Variants in CCNY observed in about 807,000 individuals in gnomAD.
The protein encoded by CCNY is cyclin-Y.
A neutral mutation model predicts 42.8 loss-of-function variants in CCNY; 19 were observed. The ratio of observed to expected loss-of-function variants is 0.44; its 90% CI spans 0.31 to 0.65. CCNY has a LOEUF of 0.65. CCNY is among the 30% of genes least tolerant of loss of function. CCNY has a pLI of 0.07. For missense variants in CCNY, 370 were observed against 437.3 expected, an observed-to-expected ratio of 0.85 and a Z score of 1.37; for synonymous variants, 165 against 162.7, an observed-to-expected ratio of 1.01 and a Z score of -0.11.
At chr10:35,266,271 T>TTG in intron 3 of CCNY, among the ~76,000 whole-genome samples, 1 of 146,186 alleles carries the variant, frequency 6.8e-6, no homozygotes, top group East Asian at 2.0e-4. Flanking sequence ...TTTTTTTTTT[T>TTG]GTATTTTTAG....
chr10:35,316,332 G>A (rs1246085663), intron 3 of CCNY: 2 of 152,186 alleles, frequency 1.3e-5, no homozygotes, highest in Non-Finnish European at 2.9e-5. Flanking sequence ...TCTCCTTGAT[G>A]GCAGAGCTGG....
rs1839715636 is a variant in CCNY at position 35,483,349 on chromosome 10, T to C, written c.155-55T>C. The C allele has an allele frequency of 3.4e-6, 4 of 1,166,630 alleles. No individual in the cohort carries two copies. In the East Asian group the frequency reaches 9.5e-5, roughly 28 times the overall value. The allele number at this position is 1,166,630 out of a possible 1,614,324, so 72.3% of individuals were successfully genotyped here. A position where few individuals can be genotyped will look rare whatever the true frequency, so the allele number is the denominator to read the frequency against. On this transcript the variant is annotated intron_variant, in intron 1 of 9. Coordinates refer to ENST00000374704, the MANE Select transcript of CCNY (RefSeq NM_145012.6). ...TGAAAAATAATTGAGTCAATCTTGA[T>C]TCCTCTTAGTTATCAGATGGTTTAT... is the stretch of plus-strand genomic sequence containing the variant.
intron 1 of CCNY, among the ~76,000 whole-genome samples, chr10:35,419,407 G>A (rs575760564): frequency 2.0e-5 from 3 of 152,266 alleles, no homozygotes; most frequent in South Asian, 2.1e-4. Context: ...GGTTGGATCC[G>A]AGGTAGAAAG....
intron 1 of CCNY, among the ~76,000 whole-genome samples, chr10:35,426,293 T>C (rs1838272822): frequency 6.6e-6 from 1 of 152,088 alleles, no homozygotes; most frequent in South Asian, 2.1e-4. Flanking sequence ...AGGTCTTTGC[T>C]CTCAAACCTT....
intron 3 of CCNY, among the ~76,000 whole-genome samples, chr10:35,301,825 G>A (rs187042101): frequency 1.3e-5 from 2 of 152,146 alleles, no homozygotes; most frequent in East Asian, 3.9e-4. Context: ...TGTAGACATA[G>A]TCTCAATATG....
At chr10:35,510,965 CCTGCCTGT>C (rs1282853115) in intron 3 of CCNY, among the ~76,000 whole-genome samples, 1 of 152,194 alleles carries the variant, frequency 6.6e-6, no homozygotes, top group African/African-American at 2.4e-5. Flanking sequence ...GTGCTCCTGC[CCTGCCTGT>C]CTGGAGTGTC....
At chr10:35,525,735 G>A (rs561187458) in intron 4 of CCNY, among the ~76,000 whole-genome samples, 1 of 152,174 alleles carries the variant, frequency 6.6e-6, no homozygotes, top group Admixed American at 6.5e-5. Context: ...ATCACTTGAA[G>A]TTCTTTTGTT....
chr10:35,268,364 C>T (rs911792400), intron 3 of CCNY, among the ~76,000 whole-genome samples: 2 of 152,170 alleles, frequency 1.3e-5, no homozygotes, highest in Admixed American at 6.6e-5. Context: ...CAACGACAAA[C>T]AACATTCAAT....
chr10:35,341,612 A>C (rs1220169739), intron 1 of CCNY, among the ~76,000 whole-genome samples: 1 of 152,240 alleles, frequency 6.6e-6, no homozygotes, highest in East Asian at 1.9e-4. Context: ...GAGTGAAACC[A>C]ACCATTGAAG....
chr10:35,524,321 TA>T (rs1840606178), intron 4 of CCNY, among the ~76,000 whole-genome samples: 1 of 152,212 alleles, frequency 6.6e-6, no homozygotes, highest in Admixed American at 6.5e-5. Flanking sequence ...TTCAAGATGT[TA>T]GGAGAAAAAG....
intron 3 of CCNY, among the ~76,000 whole-genome samples, chr10:35,331,461 A>C (rs1313623757): frequency 1.3e-5 from 2 of 152,202 alleles, no homozygotes; most frequent in Non-Finnish European, 2.9e-5. Context: ...ATCAGTTTCC[A>C]AGTGGGCTTT....
intron 1 of CCNY, among the ~76,000 whole-genome samples, chr10:35,409,969 C>T (rs1400685295): frequency 6.6e-6 from 1 of 152,166 alleles, no homozygotes; most frequent in Non-Finnish European, 1.5e-5. Flanking sequence ...TCTTGAACTT[C>T]TGGGCTCCAG....
chr10:35,254,608 C>T (rs1353973953), intron 3 of CCNY, among the ~76,000 whole-genome samples: 8 of 151,944 alleles, frequency 5.3e-5, no homozygotes, highest in Non-Finnish European at 1.2e-4. Flanking sequence ...CAGTGGATTG[C>T]TTGAGCCCAG....
intron 1 of CCNY, among the ~76,000 whole-genome samples, chr10:35,396,920 A>C (rs1347293596): frequency 6.6e-6 from 1 of 152,160 alleles, no homozygotes; most frequent in Non-Finnish European, 1.5e-5. Flanking sequence ...AAAGGGTTAT[A>C]ATCCCATCTC....
intron 3 of CCNY, among the ~76,000 whole-genome samples, chr10:35,319,546 G>A (rs576865292): frequency 1.3e-5 from 2 of 152,224 alleles, no homozygotes; most frequent in South Asian, 4.1e-4. Context: ...TGGACAAATT[G>A]GTTGAATGCC....
chr10:35,461,835 T>G (rs1165248843), intron 1 of CCNY, among the ~76,000 whole-genome samples: 2 of 152,340 alleles, frequency 1.3e-5, no homozygotes, highest in East Asian at 3.9e-4. Context: ...TATTGAGGTA[T>G]CTCAGTGTTA....
intron 1 of CCNY, among the ~76,000 whole-genome samples, chr10:35,466,507 T>A (rs1839272638): frequency 6.6e-6 from 1 of 152,090 alleles, no homozygotes; most frequent in African/African-American, 2.4e-5. Flanking sequence ...AGTCCCAGTG[T>A]TGTGAATTGG....
At chr10:35,454,321 A>G (rs540044575) in intron 1 of CCNY, among the ~76,000 whole-genome samples, 5 of 152,360 alleles carry the variant, frequency 3.3e-5, no homozygotes, top group African/African-American at 4.8e-5. Context: ...AAAGGCATCC[A>G]GAAGAGAGGC....
At chr10:35,338,923 A>G (rs1181894902) in intron 1 of CCNY, among the ~76,000 whole-genome samples, 1 of 152,238 alleles carries the variant, frequency 6.6e-6, no homozygotes, top group Non-Finnish European at 1.5e-5. Context: ...AAGGCTCAGT[A>G]CAATTTTGCC....
Sources: allele counts gnomAD v4.1 joint callset (sites outside exome capture counted in the v4.1 genomes callset), GRCh38; gene constraint gnomAD v4.1.1; transcripts MANE v1.5; gene names NCBI Gene and HGNC (gene_info 2026-07-23, HGNC 2026-07-21).